Variants in UST observed in about 807,000 individuals in gnomAD.
UST encodes uronyl 2-sulfotransferase.
In UST, 21 loss-of-function variants were observed where a neutral mutation model predicts 45.6. That is an observed-to-expected ratio of 0.46 (90% CI 0.33 to 0.66). UST has a LOEUF of 0.66. UST is among the 30% of genes least tolerant of loss of function. The pLI is 0.02. For missense variants in UST, 463 were observed against 512.4 expected, an observed-to-expected ratio of 0.90 and a Z score of 0.93; for synonymous variants, 215 against 200.6, an observed-to-expected ratio of 1.07 and a Z score of -0.61.
chr6:148,844,382 G>A (rs1158616258), intron 1 of UST, among the ~76,000 whole-genome samples: 4 of 152,132 alleles, frequency 2.6e-5, no homozygotes, highest in Non-Finnish European at 5.9e-5. Context: ...TAGGAACCCA[G>A]TTCTCGCCTG....
At chr6:148,808,804 A>C (rs1777198850) in intron 1 of UST, among the ~76,000 whole-genome samples, 1 of 152,132 alleles carries the variant, frequency 6.6e-6, no homozygotes, top group Admixed American at 6.5e-5. Context: ...TGATGGGATT[A>C]GTGCCTTTAT....
At chr6:149,049,929 TCTCACA>T (rs1373649772) in intron 7 of UST, among the ~76,000 whole-genome samples, 32 of 129,822 alleles carry the variant, frequency 2.5e-4, no homozygotes, top group African/African-American at 8.4e-4. Flanking sequence ...TCTCTCTCTC[TCTCACA>T]CACACACACA....
chr6:149,035,334 C>T (rs531412010), intron 7 of UST, among the ~76,000 whole-genome samples: 107 of 152,142 alleles, frequency 7.0e-4, no homozygotes, highest in African/African-American at 2.6e-3. Flanking sequence ...TCATTTATTC[C>T]CCGCTTTATC....
At chr6:148,861,283 G>C (rs1010769164) in intron 1 of UST, among the ~76,000 whole-genome samples, 1 of 152,084 alleles carries the variant, frequency 6.6e-6, no homozygotes, top group Admixed American at 6.5e-5. Context: ...GTTTATTTGC[G>C]TAGAGGTGTT....
At chr6:148,978,857 T>C (rs1424741526) in intron 5 of UST, among the ~76,000 whole-genome samples, 2 of 152,102 alleles carry the variant, frequency 1.3e-5, no homozygotes, top group Admixed American at 1.3e-4. Flanking sequence ...AAAAAAAAAT[T>C]GGTTTCTCAT....
intron 3 of UST, among the ~76,000 whole-genome samples, chr6:148,945,231 T>C (rs1780213001): frequency 6.6e-6 from 1 of 152,256 alleles, no homozygotes; most frequent in Non-Finnish European, 1.5e-5. Flanking sequence ...TGGGTATGAT[T>C]CCCTGTTTTA....
At chr6:148,837,872 T>G (rs769443673) in intron 1 of UST, among the ~76,000 whole-genome samples, 3 of 152,000 alleles carry the variant, frequency 2.0e-5, no homozygotes, top group Non-Finnish European at 4.4e-5. Flanking sequence ...CCAGCTAAAT[T>G]TTGTATTTTT....
chr6:148,948,179 G>A (rs951006732), intron 3 of UST, among the ~76,000 whole-genome samples: 2 of 152,178 alleles, frequency 1.3e-5, no homozygotes, highest in East Asian at 3.8e-4. Context: ...AAGGGTCACC[G>A]GAGCCTCCAG....
At chr6:149,006,556 T>C (rs1407603883) in intron 5 of UST, among the ~76,000 whole-genome samples, 1 of 152,234 alleles carries the variant, frequency 6.6e-6, no homozygotes, top group Non-Finnish European at 1.5e-5. Flanking sequence ...GCAGTGAACA[T>C]TTGCATGCAT....
chr6:148,780,221 T>C, intron 1 of UST, among the ~76,000 whole-genome samples: 1 of 152,082 alleles, frequency 6.6e-6, no homozygotes. Flanking sequence ...AAATAGTAAA[T>C]GGAAGATTCG....
At chr6:149,063,587 C>T (rs1471160490) in intron 7 of UST, among the ~76,000 whole-genome samples, 2 of 152,138 alleles carry the variant, frequency 1.3e-5, no homozygotes, top group Non-Finnish European at 1.5e-5. Flanking sequence ...TCGCTAAGGA[C>T]CCAGCATTTG....
rs935440458 is a variant in UST, at chr6:149,029,584, T to G, written c.937+8103T>G. 2.0e-5 allele frequency among the ~76,000 whole-genome samples: 3 copies of G among 151,144 alleles called. 1 individual carries two copies. The South Asian group carries it at 6.2e-4, about 31-fold the overall frequency. ...GCCTGAATTAAACAAATTCTCTCTT[T>G]CATTTTTAATTTCCATTTTTATTTT... On this transcript the variant is annotated intron_variant, in intron 7 of 7. Coordinates refer to ENST00000367463, the MANE Select transcript of UST (RefSeq NM_005715.3).
chr6:148,889,098 G>A (rs1408978127), intron 2 of UST, among the ~76,000 whole-genome samples: 1 of 152,218 alleles, frequency 6.6e-6, no homozygotes, highest in Admixed American at 6.5e-5. Flanking sequence ...AGTACCTGGA[G>A]GCTTATTAAA....
chr6:148,924,975 T>C (rs1269590888), intron 2 of UST, among the ~76,000 whole-genome samples: 2 of 152,192 alleles, frequency 1.3e-5, no homozygotes, highest in Non-Finnish European at 2.9e-5. Flanking sequence ...TCTCCACTTA[T>C]TTTTCTAATA....
chr6:148,899,261 A>G (rs1279795735), intron 2 of UST, among the ~76,000 whole-genome samples: 3 of 152,014 alleles, frequency 2.0e-5, no homozygotes, highest in Middle Eastern at 3.4e-3. Flanking sequence ...CACTACGCCC[A>G]GCTAATTTTT....
At chr6:148,812,742 A>G (rs1777282676) in intron 1 of UST, among the ~76,000 whole-genome samples, 1 of 152,230 alleles carries the variant, frequency 6.6e-6, no homozygotes. Flanking sequence ...CATGTTTTTT[A>G]TAACCTAATC....
chr6:148,993,091 T>C (rs1031059365), intron 5 of UST: 46 of 984,958 alleles, frequency 4.7e-5, no homozygotes, highest in Non-Finnish European at 5.3e-5. Flanking sequence ...TTAGTGCATT[T>C]GTTTCTAGGT....
intron 2 of UST, among the ~76,000 whole-genome samples, chr6:148,930,206 C>T (rs1467630903): frequency 3.3e-5 from 5 of 152,170 alleles, no homozygotes; most frequent in East Asian, 1.9e-4. Flanking sequence ...ATGGTATCAG[C>T]GCAAGCAGTG....
chr6:148,837,026 T>A (rs1777796728), intron 1 of UST, among the ~76,000 whole-genome samples: 1 of 152,214 alleles, frequency 6.6e-6, no homozygotes, highest in Non-Finnish European at 1.5e-5. Flanking sequence ...GAATTCTAGA[T>A]CATTCCGTGG....
Sources: allele counts gnomAD v4.1 joint callset (sites outside exome capture counted in the v4.1 genomes callset), GRCh38; gene constraint gnomAD v4.1.1; transcripts MANE v1.5; gene names NCBI Gene and HGNC (gene_info 2026-07-23, HGNC 2026-07-21).